The following MOB1B variants were observed in gnomAD, a reference collection of about 807,000 sequenced individuals.
MOB1B encodes the protein MOB1 Mps One Binder homolog B.
In MOB1B, 19 loss-of-function variants were observed where a neutral mutation model predicts 24.4. The ratio of observed to expected loss-of-function variants is 0.78; its 90% CI spans 0.54 to 1.14. MOB1B has a LOEUF of 1.14. Among genes scored for constraint, MOB1B ranks in the 50% most tolerant of loss-of-function variants. The pLI is 0.00. For synonymous variants in MOB1B, 76 were observed against 82.1 expected (o/e 0.93, Z 0.40); for missense variants, 243 against 259.6 (o/e 0.94, Z 0.44).
At position 70,979,135 on chromosome 4, in the gene MOB1B, G is replaced by A. The variant is rs79739411; in HGVS notation, c.417G>A (p.Pro139=). 2.4e-4 allele frequency: 380 copies of A among 1,612,970 alleles called. No individual in the cohort carries two copies. The African/African-American group carries it at 3.9e-3, about 17-fold the overall frequency. Residue 139 remains proline (P), a synonymous_variant, in exon 5 of 6, where the codon CCG becomes CCA. Coordinates refer to ENST00000309395, the MANE Select transcript of MOB1B (RefSeq NM_173468.4). ...ETLFPSKIGV[P]FPKNFMSVAK... Reference sequence around the variant, plus strand: ...TGTTTATCTCTTTTCTAGGTGTCCCGTTCCCAAAGAATTTCATGTCTGTGG... The same window carrying A: ...TGTTTATCTCTTTTCTAGGTGTCCCATTCCCAAAGAATTTCATGTCTGTGG...
At chr4:70,959,291 C>T (rs1199338712) in intron 2 of MOB1B, among the ~76,000 whole-genome samples, 2 of 152,184 alleles carry the variant, frequency 1.3e-5, no homozygotes, top group Admixed American at 1.3e-4. Context: ...TGACTGCAGC[C>T]TTGAACTCCT....
intron 1 of MOB1B, among the ~76,000 whole-genome samples, chr4:70,951,874 CA>C (rs1360535166): frequency 1.3e-5 from 2 of 152,062 alleles, no homozygotes; most frequent in Non-Finnish European, 2.9e-5. Flanking sequence ...CTCAAACAAA[CA>C]AAAAAACAAA....
At position 70,982,187 on chromosome 4, in the gene MOB1B, C is replaced by CT; in HGVS notation, c.*135dup. 1.7e-6 allele frequency: 1 copy of CT among 603,934 alleles called. No individual in the cohort carries two copies. The highest frequency in any genetic ancestry group is 2.9e-6 in the Non-Finnish European group (1 of 348,956). 37.4% of individuals were successfully genotyped at this position (603,934 alleles called of 1,614,324 possible). On this transcript the variant is annotated 3_prime_UTR_variant, in exon 6 of 6. Transcript: ENST00000309395. ...TGGGGGCGGGGGCTTGTTTGGGTTC[C>CT]TTTTTCTTTATTCTGATTATGTGAA...
chr4:70,950,230 G>A (rs1423211011), intron 1 of MOB1B, among the ~76,000 whole-genome samples: 1 of 152,032 alleles, frequency 6.6e-6, no homozygotes, highest in Non-Finnish European at 1.5e-5. Context: ...GAGGTCAGGA[G>A]TTCGAGACCA....
chr4:70,902,500 C>G lies in MOB1B; in HGVS notation c.-37C>G. On this transcript the variant is annotated 5_prime_UTR_variant, in exon 1 of 6. Transcript: ENST00000309395. ...CCTGGCCCACGCCGCTCCGAGGCCT[C>G]GCGACCGCCGAGCCTGCAGCCTGCC... is the stretch of plus-strand genomic sequence containing the variant. 6.4e-7 allele frequency: 1 copy of G among 1,554,214 alleles called. No individual in the cohort carries two copies. The highest frequency in any genetic ancestry group is 1.2e-5 in the South Asian group (1 of 84,512).
At chr4:70,976,553 C>T (rs1228243522) in intron 4 of MOB1B, 29 of 984,866 alleles carry the variant, frequency 2.9e-5, no homozygotes, top group Non-Finnish European at 3.5e-5. Flanking sequence ...TCTCAAACTT[C>T]TGACAACTGA....
chr4:70,960,153 A>G (rs1738246621), intron 2 of MOB1B, among the ~76,000 whole-genome samples: 1 of 152,150 alleles, frequency 6.6e-6, no homozygotes, highest in South Asian at 2.1e-4. Context: ...AAGGGCTGGG[A>G]TTACAGGTGT....
intron 1 of MOB1B, among the ~76,000 whole-genome samples, chr4:70,902,938 T>G (rs1357279275): frequency 6.6e-6 from 1 of 152,228 alleles, no homozygotes. Context: ...GTTGAATGGC[T>G]CCGTCGCGGC....
chr4:70,957,188 A>T (rs13137398), intron 1 of MOB1B, among the ~76,000 whole-genome samples: 7,556 of 145,898 alleles, frequency 0.052, 263 homozygotes, highest in South Asian at 0.12. Context: ...ATAACATTAA[A>T]GTTTTCCCAC....
chr4:70,964,289 A>G (rs1738427378), intron 2 of MOB1B, among the ~76,000 whole-genome samples: 1 of 152,214 alleles, frequency 6.6e-6, no homozygotes, highest in South Asian at 2.1e-4. Context: ...GGAGCACATG[A>G]CCTAAGCACC....
chr4:70,920,476 C>T (rs558517169), intron 1 of MOB1B, among the ~76,000 whole-genome samples: 44 of 152,352 alleles, frequency 2.9e-4, no homozygotes, highest in African/African-American at 8.4e-4. Context: ...CTGCCTGCCT[C>T]GGCCTCCTAA....
At chr4:70,902,603 C>CCGCCCGCCGCCCGCCGCCCGT in intron 1 of MOB1B, 53 bp downstream of exon 1, 1 of 1,395,864 alleles carries the variant, frequency 7.2e-7, no homozygotes, top group Non-Finnish European at 9.4e-7. Flanking sequence ...ACCTGGGCCC[C>CCGCCCGCCGCCCGCCGCCCGT]CGCCCGCCGC....
intron 3 of MOB1B, among the ~76,000 whole-genome samples, chr4:70,972,975 G>T (rs1235712641): frequency 2.6e-5 from 4 of 151,792 alleles, no homozygotes; most frequent in Non-Finnish European, 4.4e-5. Flanking sequence ...GGGTTTCACT[G>T]TGTTAGCCAG....
intron 1 of MOB1B, among the ~76,000 whole-genome samples, chr4:70,912,730 A>G (rs987823180): frequency 1.3e-5 from 2 of 152,176 alleles, no homozygotes; most frequent in African/African-American, 2.4e-5. Flanking sequence ...GTCATGAATC[A>G]TGTATTGCAT....
At chr4:70,971,799 T>G (rs1738764371) in intron 3 of MOB1B, among the ~76,000 whole-genome samples, 1 of 152,214 alleles carries the variant, frequency 6.6e-6, no homozygotes, top group Non-Finnish European at 1.5e-5. Flanking sequence ...TCTTCTGGCT[T>G]GAGAGCTGTT....
chr4:70,931,652 A>G (rs1300030696), intron 1 of MOB1B, among the ~76,000 whole-genome samples: 1 of 152,328 alleles, frequency 6.6e-6, no homozygotes, highest in East Asian at 1.9e-4. Flanking sequence ...CACTTTGTCA[A>G]CTGTATAAAT....
In MOB1B at chr4:70,934,836, A is replaced by G. The variant is rs528622174; in HGVS notation, c.15-24038A>G. Among the ~76,000 whole-genome samples the G allele has an allele frequency of 2.5e-3, 374 of 152,194 alleles. 1 individual carries two copies. The highest frequency in any genetic ancestry group is 3.7e-3 in the Admixed American group (56 of 15,282). Reference sequence around the variant, plus strand: ...GTTTTGTTTAATTTCATATGTATTCATTAGTCTTTTATCCTCAAATACTCC... The same window carrying G: ...GTTTTGTTTAATTTCATATGTATTCGTTAGTCTTTTATCCTCAAATACTCC... On this transcript the variant is annotated intron_variant, in intron 1 of 5. Transcript: ENST00000309395.
intron 1 of MOB1B, among the ~76,000 whole-genome samples, chr4:70,925,971 C>A (rs1736632654): frequency 6.6e-6 from 1 of 152,120 alleles, no homozygotes; most frequent in South Asian, 2.1e-4. Flanking sequence ...CATTGCTTAG[C>A]AAATATGTTT....
intron 3 of MOB1B, among the ~76,000 whole-genome samples, chr4:70,974,801 AAAAC>A (rs1417062294): frequency 6.6e-6 from 1 of 152,236 alleles, no homozygotes; most frequent in Non-Finnish European, 1.5e-5. Flanking sequence ...TTAAGGAAGA[AAAAC>A]AACCATAAAG....
Sources: allele counts gnomAD v4.1 joint callset (sites outside exome capture counted in the v4.1 genomes callset), GRCh38; gene constraint gnomAD v4.1.1; transcripts MANE v1.5; gene names NCBI Gene and HGNC (gene_info 2026-07-23, HGNC 2026-07-21).